Variants in MTFR1 observed in about 807,000 individuals in gnomAD.
The protein encoded by MTFR1 is chondrocyte protein with a poly-proline region.
A neutral mutation model predicts 38.8 loss-of-function variants in MTFR1; 28 were observed. The ratio of observed to expected loss-of-function variants is 0.72; its 90% CI spans 0.53 to 0.99. The LOEUF (loss-of-function observed/expected upper bound fraction) is 0.99. Ranked by LOEUF, MTFR1 falls within the 50% of genes least tolerant of loss-of-function variation. MTFR1 has a pLI of 0.00. For synonymous variants in MTFR1, 145 were observed against 137.0 expected (o/e 1.06, Z -0.41); for missense variants, 358 against 395.5 (o/e 0.91, Z 0.81).
intron 3 of MTFR1, among the ~76,000 whole-genome samples, chr8:65,770,082 T>C (rs749965066): frequency 5.6e-4 from 86 of 152,266 alleles, no homozygotes; most frequent in Admixed American, 3.0e-3. Flanking sequence ...TTCTCAGATA[T>C]GCATTGTTAA....
chr8:65,748,902 T>C (rs1807806552), intron 3 of MTFR1, among the ~76,000 whole-genome samples: 5 of 152,226 alleles, frequency 3.3e-5, no homozygotes, highest in Admixed American at 3.3e-4. Context: ...GCAGGTATGC[T>C]ACTAGTAATT....
chr8:65,729,698 G>C (rs971857223), intron 3 of MTFR1, among the ~76,000 whole-genome samples: 5 of 151,284 alleles, frequency 3.3e-5, no homozygotes, highest in Non-Finnish European at 2.9e-5. Context: ...GAGCAGCTGG[G>C]ATTATAGGCG....
At chr8:65,773,930 T>C (rs1809184236), downstream of MTFR1, among the ~76,000 whole-genome samples, 1 of 152,206 alleles carries the variant, frequency 6.6e-6, no homozygotes, top group African/African-American at 2.4e-5. Flanking sequence ...CAATTGTACA[T>C]TTCTTTATAC....
intron 3 of MTFR1, among the ~76,000 whole-genome samples, chr8:65,767,185 GA>G (rs934197258): frequency 2.0e-5 from 3 of 152,156 alleles, no homozygotes; most frequent in Non-Finnish European, 4.4e-5. Flanking sequence ...AGCTTTGGGG[GA>G]CAGACACAGG....
At chr8:65,767,287 A>G (rs1808838452) in intron 3 of MTFR1, among the ~76,000 whole-genome samples, 1 of 152,200 alleles carries the variant, frequency 6.6e-6, no homozygotes, top group African/African-American at 2.4e-5. Context: ...TTTATGGATT[A>G]GTTGTCATGA....
At chr8:65,716,105 CAT>C (rs1806130986) in intron 2 of MTFR1, among the ~76,000 whole-genome samples, 1 of 140,028 alleles carries the variant, frequency 7.1e-6, no homozygotes, top group Admixed American at 7.3e-5. Flanking sequence ...CTGCAGTGAT[CAT>C]GCCACTGCAC....
chr8:65,717,074 GTGA>G (rs926597188), intron 2 of MTFR1, among the ~76,000 whole-genome samples: 26 of 152,174 alleles, frequency 1.7e-4, no homozygotes, highest in African/African-American at 6.3e-4. Flanking sequence ...ACATTTTAAA[GTGA>G]TACAATATTT....
intron 2 of MTFR1, among the ~76,000 whole-genome samples, chr8:65,676,184 C>G (rs749234205): frequency 2.0e-5 from 3 of 152,124 alleles, no homozygotes; most frequent in Non-Finnish European, 2.9e-5. Flanking sequence ...TCCCTTAGCT[C>G]CCTGAGAATT....
chr8:65,682,418 G>A lies in MTFR1; in HGVS notation c.132G>A (p.Leu44=). 1 of 1,564,154 alleles carries A rather than the reference G, an allele frequency of 6.4e-7. No homozygotes were observed. Among genetic ancestry groups the A allele is most frequent in the African/African-American group, 1.4e-5 (1 of 73,062 alleles). Residue 44 remains leucine, a synonymous_variant, in exon 3 of 8, where the codon TTG becomes TTA. Transcript: ENST00000262146. ...RSIVRKIGTN[L]SLIQCPRVQF... ...TCGTAAGGAAAATTGGTACTAATTT[G>A]TCTCTGATTCAGTGTCCAAGAGTTC...
chr8:65,715,996 C>CAA (rs779701295), intron 2 of MTFR1, among the ~76,000 whole-genome samples: 550 of 33,874 alleles, frequency 0.016, 34 homozygotes, highest in South Asian at 0.044. Flanking sequence ...GGCTCTGTCT[C>CAA]AAAAAAAAAA....
At chr8:65,741,760 T>C (rs1251066055) in intron 3 of MTFR1, among the ~76,000 whole-genome samples, 1 of 152,270 alleles carries the variant, frequency 6.6e-6, no homozygotes, top group East Asian at 1.9e-4. Flanking sequence ...TTAGAATGTT[T>C]ATTCATTCTC....
intron 3 of MTFR1, 101 bp downstream of exon 3, chr8:65,682,552 C>T (rs1804933328): frequency 4.7e-6 from 3 of 641,722 alleles, no homozygotes; most frequent in Non-Finnish European, 6.5e-6. Context: ...AGACTTTTCA[C>T]CAATTGATGC....
intron 3 of MTFR1, among the ~76,000 whole-genome samples, chr8:65,748,457 T>C (rs1563485881): frequency 6.6e-6 from 1 of 152,220 alleles, no homozygotes; most frequent in African/African-American, 2.4e-5. Flanking sequence ...GAGTCTAACA[T>C]AGCCATTTTT....
intron 4 of MTFR1, among the ~76,000 whole-genome samples, chr8:65,693,983 G>C (rs1024953027): frequency 1.5e-4 from 23 of 151,290 alleles, no homozygotes; most frequent in African/African-American, 5.3e-4. Flanking sequence ...CTTCACTGCA[G>C]CCTTGACCTC....
chr8:65,663,579 A>G (rs1425324588), intron 1 of MTFR1, among the ~76,000 whole-genome samples: 2 of 151,736 alleles, frequency 1.3e-5, no homozygotes. Flanking sequence ...ACTTCACAAA[A>G]TAAGATCTCA....
At chr8:65,661,907 T>G (rs1326347174) in intron 1 of MTFR1, among the ~76,000 whole-genome samples, 1 of 152,002 alleles carries the variant, frequency 6.6e-6, no homozygotes. Flanking sequence ...GAGAATGCAA[T>G]GAGCTGAGAT....
chr8:65,705,547 G>T (rs1337454978), intron 5 of MTFR1, among the ~76,000 whole-genome samples: 1 of 152,110 alleles, frequency 6.6e-6, no homozygotes, highest in South Asian at 2.1e-4. Flanking sequence ...TAGGATAATG[G>T]CACCAACCAT....
At chr8:65,761,912 T>C (rs940559433) in intron 3 of MTFR1, among the ~76,000 whole-genome samples, 1 of 152,184 alleles carries the variant, frequency 6.6e-6, no homozygotes, top group African/African-American at 2.4e-5. Context: ...CACAGATTCT[T>C]TTCTATCACC....
At chr8:65,691,351 G>A (rs1032085999) in intron 3 of MTFR1, among the ~76,000 whole-genome samples, 1 of 151,926 alleles carries the variant, frequency 6.6e-6, no homozygotes, top group Non-Finnish European at 1.5e-5. Context: ...GTGGTGGTGC[G>A]ATCATGCCTC....
Sources: gnomAD v4.1 joint callset for allele counts (sites outside exome capture counted in the v4.1 genomes callset) on GRCh38, gnomAD v4.1.1 for gene constraint, MANE v1.5 for transcripts, NCBI Gene and HGNC (gene_info 2026-07-23, HGNC 2026-07-21) for gene names.